The following CDKAL1 variants were observed in gnomAD, a reference collection of about 807,000 sequenced individuals.
The protein encoded by CDKAL1 is threonylcarbamoyladenosine tRNA methylthiotransferase.
CDKAL1 carries 32 observed loss-of-function variants against 68.2 expected under a neutral mutation model. The ratio of observed to expected loss-of-function variants is 0.47; its 90% confidence interval spans 0.35 to 0.63. The LOEUF (loss-of-function observed/expected upper bound fraction) is 0.63. Ranked by LOEUF, CDKAL1 falls within the 30% of genes least tolerant of loss-of-function variation. CDKAL1 has a pLI of 0.00. For synonymous variants in CDKAL1, 234 were observed against 244.3 expected (o/e 0.96, Z 0.39); for missense variants, 606 against 696.7 (o/e 0.87, Z 1.47).
At chr6:21,042,664 C>T (rs923635788) in intron 11 of CDKAL1, among the ~76,000 whole-genome samples, 2 of 152,128 alleles carry the variant, frequency 1.3e-5, no homozygotes, top group African/African-American at 2.4e-5. Context: ...TCCTATTTGA[C>T]GCCAGTACTA....
At chr6:20,669,779 C>T (rs1769723584) in intron 5 of CDKAL1, among the ~76,000 whole-genome samples, 1 of 152,032 alleles carries the variant, frequency 6.6e-6, no homozygotes, top group Admixed American at 6.6e-5. Context: ...TGAGTCATTT[C>T]TTGAAGAAGC....
At chr6:20,896,464 T>G (rs1761699379) in intron 9 of CDKAL1, among the ~76,000 whole-genome samples, 1 of 152,202 alleles carries the variant, frequency 6.6e-6, no homozygotes, top group Non-Finnish European at 1.5e-5. Flanking sequence ...ATAAGAAATC[T>G]TGACCAAAAC....
chr6:20,579,607 G>A (rs1192274953), intron 4 of CDKAL1, among the ~76,000 whole-genome samples: 1 of 152,154 alleles, frequency 6.6e-6, no homozygotes, highest in South Asian at 2.1e-4. Flanking sequence ...GGATACTGAT[G>A]TAATACGAAG....
intron 5 of CDKAL1, among the ~76,000 whole-genome samples, chr6:20,715,670 T>A (rs1324673991): frequency 6.6e-6 from 1 of 152,208 alleles, no homozygotes; most frequent in Non-Finnish European, 1.5e-5. Context: ...CTACATTCCT[T>A]CCAACAGTGC....
chr6:20,993,224 G>A (rs778413116), intron 10 of CDKAL1, among the ~76,000 whole-genome samples: 3 of 152,018 alleles, frequency 2.0e-5, no homozygotes, highest in Non-Finnish European at 2.9e-5. Context: ...AATGTTAATT[G>A]TATATTTTGA....
intron 14 of CDKAL1, among the ~76,000 whole-genome samples, chr6:21,200,254 A>G (rs910108592): frequency 2.0e-5 from 3 of 152,228 alleles, no homozygotes; most frequent in Non-Finnish European, 2.9e-5. Context: ...AGGAATCTCT[A>G]GTGGAAAGAG....
At chr6:21,074,942 G>C (rs1402656918) in intron 12 of CDKAL1, among the ~76,000 whole-genome samples, 1 of 151,698 alleles carries the variant, frequency 6.6e-6, no homozygotes, top group Non-Finnish European at 1.5e-5. Context: ...AAATGTAGTG[G>C]TGTTTTTTTT....
intron 8 of CDKAL1, among the ~76,000 whole-genome samples, chr6:20,783,627 G>A (rs985300038): frequency 6.6e-6 from 1 of 152,094 alleles, no homozygotes; most frequent in East Asian, 1.9e-4. Flanking sequence ...TTCTTGGGAT[G>A]TCTGCTTGTT....
Position 21,108,430 on chromosome 6 carries a change from G to A in CDKAL1, c.1266G>A (p.Arg422=). ...VKKQRTKDLS[R]VFHSYSPYDH... ...AGCAAAGGACAAAAGATCTTTCTCG[G>A]GTGTTTCATTCTTACAGTCCATATG... The change falls in exon 13 of 16, where the codon CGG becomes CGA. Residue 422 remains arginine, a synonymous_variant. Coordinates refer to ENST00000274695, the MANE Select transcript of CDKAL1 (RefSeq NM_017774.3). The A allele has an allele frequency of 6.2e-7, 1 of 1,604,648 alleles. No individual in the cohort carries two copies. Among genetic ancestry groups the A allele is most frequent in the Non-Finnish European group, 8.5e-7 (1 of 1,177,140 alleles).
intron 12 of CDKAL1, among the ~76,000 whole-genome samples, chr6:21,093,715 T>A (rs929528722): frequency 0.011 from 1,319 of 124,686 alleles, 74 homozygotes; most frequent in African/African-American, 0.041. Context: ...TTTTTTTTTT[T>A]TTTTTTTTTT....
chr6:20,569,911 A>G (rs2064320), intron 4 of CDKAL1, among the ~76,000 whole-genome samples: 125,353 of 151,996 alleles, frequency 0.82, 52,308 homozygotes, highest in African/African-American at 0.96. Flanking sequence ...TTTCATCTCA[A>G]GAGAGTGATT....
At chr6:20,741,165 G>A (rs1773439967) in intron 6 of CDKAL1, among the ~76,000 whole-genome samples, 1 of 151,946 alleles carries the variant, frequency 6.6e-6, no homozygotes, top group African/African-American at 2.4e-5. Context: ...GTGTAAGGGA[G>A]GACACTTAGT....
At position 21,231,429 on chromosome 6, in the gene CDKAL1, G is replaced by GT. The variant is rs971509857; in HGVS notation, c.*400dup. On this transcript the variant is annotated 3_prime_UTR_variant, in exon 16 of 16. Transcript: ENST00000274695. ...TCTATCTTTAATAAACTTTTTCTTT[G>GT]TTTTTTTTTTCCAGATGGAGTTTCG... The GT allele has an allele frequency of 1.5e-3, 233 of 151,678 alleles. No homozygotes were observed. Among genetic ancestry groups the GT allele is most frequent in the Middle Eastern group, 0.01 (3 of 294 alleles). 9.4% of individuals were successfully genotyped at this position (151,678 alleles called of 1,614,324 possible).
At chr6:21,141,186 AG>A (rs940404466) in intron 13 of CDKAL1, among the ~76,000 whole-genome samples, 2 of 152,134 alleles carry the variant, frequency 1.3e-5, no homozygotes, top group African/African-American at 4.8e-5. Context: ...ATCCTTACTG[AG>A]CTACTTCGTT....
chr6:21,205,514 C>A lies in CDKAL1; in HGVS notation c.1548+4240C>A, dbSNP rs542230494. On this transcript the variant is annotated intron_variant, in intron 15 of 15. Coordinates refer to ENST00000274695, the MANE Select transcript of CDKAL1 (RefSeq NM_017774.3). ...TGTTTTGATAGTAGCCATCCTAATC[C>A]GCATGGGTCAAGCCTGTTTTGTTTT... Among the ~76,000 whole-genome samples the A allele has an allele frequency of 3.3e-5, 5 of 150,248 alleles. No homozygotes were observed. The South Asian group carries it at 1.0e-3, about 31-fold the overall frequency.
intron 6 of CDKAL1, among the ~76,000 whole-genome samples, chr6:20,750,998 C>G (rs917614314): frequency 1.4e-5 from 2 of 138,336 alleles, no homozygotes; most frequent in Non-Finnish European, 3.1e-5. Flanking sequence ...AGTAACAGTA[C>G]TGTCTCCTCC....
At chr6:20,874,495 T>G (rs913803553) in intron 9 of CDKAL1, among the ~76,000 whole-genome samples, 1 of 151,852 alleles carries the variant, frequency 6.6e-6, no homozygotes, top group Non-Finnish European at 1.5e-5. Flanking sequence ...TTTATTTTAT[T>G]TATTTGTTTG....
chr6:20,750,959 A>G (rs1160799832), intron 6 of CDKAL1, among the ~76,000 whole-genome samples: 3 of 38,586 alleles, frequency 7.8e-5, no homozygotes, highest in Non-Finnish European at 1.2e-4. Flanking sequence ...GTGAAAAAAA[A>G]AAAAAAAAAA....
chr6:20,626,840 C>T (rs62397569), intron 4 of CDKAL1, among the ~76,000 whole-genome samples: 5,678 of 152,238 alleles, frequency 0.037, 123 homozygotes, highest in Middle Eastern at 0.071. Flanking sequence ...TACCAGGGAA[C>T]CAAAAGCCTT....
Sources: gnomAD v4.1 joint callset for allele counts (sites outside exome capture counted in the v4.1 genomes callset) on GRCh38, gnomAD v4.1.1 for gene constraint, MANE v1.5 for transcripts, NCBI Gene and HGNC (gene_info 2026-07-23, HGNC 2026-07-21) for gene names.